The following PLSCR4 variants were observed in gnomAD, a reference collection of about 807,000 sequenced individuals.
The protein encoded by PLSCR4 is phospholipid scramblase 4.
PLSCR4 carries 25 observed loss-of-function variants against 36.3 expected under a neutral mutation model. The observed-to-expected ratio is 0.69, with a 90% CI of 0.50 to 0.96. The LOEUF is 0.96. PLSCR4 is among the 40% of genes least tolerant of loss of function. The pLI, the probability that PLSCR4 is intolerant of heterozygous loss-of-function variation, is 0.00. For missense variants in PLSCR4, 408 were observed against 414.7 expected, an observed-to-expected ratio of 0.98 and a Z score of 0.14; for synonymous variants, 122 against 132.9, an observed-to-expected ratio of 0.92 and a Z score of 0.56.
At chr3:146,226,603 AT>A (rs2035489972) in intron 1 of PLSCR4, among the ~76,000 whole-genome samples, 1 of 152,196 alleles carries the variant, frequency 6.6e-6, no homozygotes, top group Non-Finnish European at 1.5e-5. Flanking sequence ...TGGAAAAAAT[AT>A]AGAATTCTGG....
intron 3 of PLSCR4, among the ~76,000 whole-genome samples, chr3:146,211,334 G>A (rs1699949355): frequency 6.6e-6 from 1 of 151,812 alleles, no homozygotes; most frequent in African/African-American, 2.4e-5. Context: ...TGTGCTTATT[G>A]GCCATTTGTA....
intron 1 of PLSCR4, among the ~76,000 whole-genome samples, chr3:146,235,161 T>C (rs890280345): frequency 5.9e-5 from 9 of 152,170 alleles, no homozygotes; most frequent in African/African-American, 2.2e-4. Context: ...GATGATGATA[T>C]GGTTCAGCTC....
At chr3:146,223,551 G>A in intron 1 of PLSCR4, among the ~76,000 whole-genome samples, 1 of 152,102 alleles carries the variant, frequency 6.6e-6, no homozygotes, top group African/African-American at 2.4e-5. Context: ...GAGTAAAAAA[G>A]TATCAAGTTA....
At chr3:146,223,679 T>C (rs975351121) in intron 1 of PLSCR4, 5 of 152,046 alleles carry the variant, frequency 3.3e-5, no homozygotes, top group Admixed American at 6.5e-5. Flanking sequence ...GCTGAAATGA[T>C]TGTCTTGCCA....
rs372828819 is a variant in PLSCR4, at chr3:146,225,486, G to A, written c.-21-3394C>T. On this transcript the variant is annotated intron_variant, in intron 1 of 8. Coordinates refer to ENST00000354952, the MANE Select transcript of PLSCR4 (RefSeq NM_020353.3). ...ACTGGGTGCGGTGGAGCAGGGGGTG[G>A]TGCTCGTCGGGGAGGCTCGGGCCGC... is the stretch of plus-strand genomic sequence containing the variant. 5.6e-4 allele frequency among the ~76,000 whole-genome samples: 86 copies of A among 152,308 alleles called. 5 individuals are homozygous for A. In the Middle Eastern group the frequency reaches 0.01, roughly 18 times the overall value.
chr3:146,249,296 A>T (rs2036461408), intron 1 of PLSCR4, among the ~76,000 whole-genome samples: 1 of 152,126 alleles, frequency 6.6e-6, no homozygotes, highest in African/African-American at 2.4e-5. Context: ...TTAAACTAGT[A>T]AGCCATCTAG....
intron 1 of PLSCR4, among the ~76,000 whole-genome samples, chr3:146,233,567 C>G (rs1276702904): frequency 6.6e-6 from 1 of 152,204 alleles, no homozygotes; most frequent in East Asian, 1.9e-4. Flanking sequence ...AAATGACCTG[C>G]TATATTTTAA....
intron 1 of PLSCR4, among the ~76,000 whole-genome samples, chr3:146,249,211 C>T (rs1445128901): frequency 6.6e-6 from 1 of 151,972 alleles, no homozygotes; most frequent in Non-Finnish European, 1.5e-5. Context: ...CTTAGAAATG[C>T]TTTTCCCACA....
chr3:146,229,581 A>ATTTGAT (rs143882725), intron 1 of PLSCR4, among the ~76,000 whole-genome samples: 1 of 132,778 alleles, frequency 7.5e-6, no homozygotes. Flanking sequence ...GATTTTTATC[A>ATTTGAT]TTTTATTTTT....
chr3:146,244,735 T>C (rs955075264), intron 1 of PLSCR4, among the ~76,000 whole-genome samples: 1 of 152,032 alleles, frequency 6.6e-6, no homozygotes, highest in Non-Finnish European at 1.5e-5. Flanking sequence ...TTAGGCCAAT[T>C]AATAAGCCTA....
intron 1 of PLSCR4, among the ~76,000 whole-genome samples, chr3:146,236,229 C>A (rs934183567): frequency 2.0e-5 from 3 of 152,138 alleles, no homozygotes; most frequent in Admixed American, 6.5e-5. Flanking sequence ...GAGGCAGCCC[C>A]TTCCATCATA....
chr3:146,217,134 G>C (rs1276046049), intron 3 of PLSCR4, among the ~76,000 whole-genome samples: 2 of 152,174 alleles, frequency 1.3e-5, no homozygotes, highest in Non-Finnish European at 2.9e-5. Flanking sequence ...TCCAAGGGCA[G>C]CAAGTTCTGT....
intron 1 of PLSCR4, among the ~76,000 whole-genome samples, chr3:146,241,571 C>T (rs79585383): frequency 0.017 from 2,563 of 152,184 alleles, 78 homozygotes; most frequent in African/African-American, 0.058. Flanking sequence ...TCCACAGTTA[C>T]AGTTGAGGAC....
At chr3:146,247,670 T>C (rs2107871602) in intron 1 of PLSCR4, among the ~76,000 whole-genome samples, 1 of 152,308 alleles carries the variant, frequency 6.6e-6, no homozygotes, top group East Asian at 1.9e-4. Context: ...TTGCCCATGC[T>C]GGAGTGCAGT....
At chr3:146,202,412 AAG>A (rs1436481503) in intron 4 of PLSCR4, among the ~76,000 whole-genome samples, 1 of 152,074 alleles carries the variant, frequency 6.6e-6, no homozygotes, top group Non-Finnish European at 1.5e-5. Flanking sequence ...CAGTGTGTGT[AAG>A]AGTATTAATC....
At chr3:146,202,057 G>A (rs1350452638) in intron 4 of PLSCR4, among the ~76,000 whole-genome samples, 1 of 151,788 alleles carries the variant, frequency 6.6e-6, no homozygotes, top group Non-Finnish European at 1.5e-5. Flanking sequence ...ACCTAAACAC[G>A]AATGTTTTAT....
intron 3 of PLSCR4, among the ~76,000 whole-genome samples, chr3:146,207,606 A>G (rs556798221): frequency 1.3e-5 from 2 of 152,128 alleles, no homozygotes; most frequent in East Asian, 3.9e-4. Flanking sequence ...GAGTGCCATC[A>G]TGAGGGCTCC....
At chr3:146,245,891 T>TA (rs1171066836) in intron 1 of PLSCR4, among the ~76,000 whole-genome samples, 3 of 152,104 alleles carry the variant, frequency 2.0e-5, no homozygotes, top group Admixed American at 2.0e-4. Flanking sequence ...ACAATCCTCT[T>TA]TATAGACTTT....
intron 3 of PLSCR4, among the ~76,000 whole-genome samples, chr3:146,218,061 C>T (rs1408947784): frequency 6.6e-6 from 1 of 151,700 alleles, no homozygotes; most frequent in Non-Finnish European, 1.5e-5. Context: ...CAGTTTTTGA[C>T]AGAAACTGAC....
Sources: allele counts gnomAD v4.1 joint callset (sites outside exome capture counted in the v4.1 genomes callset), GRCh38; gene constraint gnomAD v4.1.1; transcripts MANE v1.5; gene names NCBI Gene and HGNC (gene_info 2026-07-23, HGNC 2026-07-21).